Variants in BNC2 observed in about 807,000 individuals in gnomAD.
BNC2 encodes the protein basonuclin zinc finger protein 2.
A neutral mutation model predicts 76.3 loss-of-function variants in BNC2; 20 were observed. The observed-to-expected ratio is 0.26, with a 90% CI of 0.18 to 0.38. BNC2 has a LOEUF of 0.38. Among genes scored for constraint, BNC2 ranks in the 10% least tolerant of loss-of-function variants. The probability of loss-of-function intolerance (pLI) is 1.00; values close to 1 mark genes in which losing one functional copy is unlikely to be tolerated. For missense variants in BNC2, 1,382 were observed against 1,399.8 expected (o/e 0.99, Z 0.20); for synonymous variants, 582 against 514.8 (o/e 1.13, Z -1.77).
chr9:16,660,129 C>A (rs1307786176), intron 3 of BNC2, among the ~76,000 whole-genome samples: 3 of 152,198 alleles, frequency 2.0e-5, no homozygotes, highest in Non-Finnish European at 4.4e-5. Context: ...GCATCCCTTG[C>A]CCACAATGTC....
intron 4 of BNC2, chr9:16,575,411 A>G: frequency 4.1e-6 from 4 of 985,370 alleles, no homozygotes; most frequent in Non-Finnish European, 4.8e-6. Context: ...AAACATAGCT[A>G]GGAAAAAAAG....
intron 1 of BNC2, among the ~76,000 whole-genome samples, chr9:16,779,847 C>T (rs953182016): frequency 6.6e-6 from 1 of 151,948 alleles, no homozygotes; most frequent in African/African-American, 2.4e-5. Context: ...TGTGGGGGGG[C>T]CAGGAAGGTG....
At chr9:16,651,322 C>CTA (rs1049613544) in intron 3 of BNC2, among the ~76,000 whole-genome samples, 45 of 152,260 alleles carry the variant, frequency 3.0e-4, no homozygotes, top group African/African-American at 9.6e-4. Flanking sequence ...CTTAAAAAGC[C>CTA]TATCATCTTA....
At chr9:16,655,424 T>A (rs1821903406) in intron 3 of BNC2, among the ~76,000 whole-genome samples, 1 of 152,090 alleles carries the variant, frequency 6.6e-6, no homozygotes, top group Non-Finnish European at 1.5e-5. Flanking sequence ...GAGACTCAGG[T>A]AACTATCTTG....
intron 1 of BNC2, among the ~76,000 whole-genome samples, chr9:16,857,720 T>C (rs1195572095): frequency 1.3e-5 from 2 of 152,216 alleles, no homozygotes; most frequent in Non-Finnish European, 2.9e-5. Flanking sequence ...ATGAAACTTT[T>C]GTCTAAAATA....
At chr9:16,838,612 T>C (rs557817692) in intron 1 of BNC2, among the ~76,000 whole-genome samples, 1 of 152,328 alleles carries the variant, frequency 6.6e-6, no homozygotes, top group East Asian at 1.9e-4. Context: ...TCTGTGGATG[T>C]CACTGTAAAA....
At chr9:16,662,685 G>A (rs989447581) in intron 3 of BNC2, among the ~76,000 whole-genome samples, 3 of 152,126 alleles carry the variant, frequency 2.0e-5, no homozygotes, top group Non-Finnish European at 2.9e-5. Context: ...GCAGTGAGCT[G>A]AGATCAGGCC....
At chr9:16,818,474 A>G (rs1227862877) in intron 1 of BNC2, among the ~76,000 whole-genome samples, 1 of 152,208 alleles carries the variant, frequency 6.6e-6, no homozygotes, top group Admixed American at 6.5e-5. Context: ...GAGAATACCA[A>G]AATGGAAGTC....
intron 5 of BNC2, among the ~76,000 whole-genome samples, chr9:16,533,560 T>C (rs1387095697): frequency 3.3e-5 from 5 of 152,178 alleles, no homozygotes; most frequent in Non-Finnish European, 7.4e-5. Context: ...GCAGTATCTG[T>C]TAAGATGAAA....
intron 4 of BNC2, among the ~76,000 whole-genome samples, chr9:16,578,609 G>A (rs1490395086): frequency 6.6e-6 from 1 of 151,664 alleles, no homozygotes; most frequent in Non-Finnish European, 1.5e-5. Flanking sequence ...TTCTGTGAAT[G>A]GCCAAATTGC....
chr9:16,570,710 T>C (rs1204418788), intron 4 of BNC2, among the ~76,000 whole-genome samples: 2 of 152,038 alleles, frequency 1.3e-5, no homozygotes, highest in African/African-American at 4.8e-5. Context: ...ATTGAGCAGA[T>C]AGGGAAACCT....
intron 3 of BNC2, among the ~76,000 whole-genome samples, chr9:16,601,531 T>C (rs1415178330): frequency 6.6e-6 from 1 of 152,132 alleles, no homozygotes; most frequent in Non-Finnish European, 1.5e-5. Flanking sequence ...CCTCATGAGC[T>C]TTTCCAAGAT....
In BNC2 at chr9:16,419,299, C is replaced by T. The variant is rs751782260; in HGVS notation, c.2990G>A (p.Ser997Asn). ...CTTGTGTGCCGACTCCCCACTGTCA[C>T]TCGCCCCGTCAATGTCATCGAGAAG... ...GILLDDIDGASDSGESAHKAE... is the reference protein window; with the variant it reads ...GILLDDIDGANDSGESAHKAE... The change falls in exon 7 of 7, where the codon AGT becomes AAT. Residue 997 changes from serine (S) to asparagine (N), a missense_variant. This residue lies in a region of BNC2 where 798 missense variants were observed against 775.5 expected (regional missense o/e 1.03). Coordinates refer to ENST00000380672, the MANE Select transcript of BNC2 (RefSeq NM_017637.6). 1.9e-6 allele frequency: 3 copies of T among 1,614,026 alleles called. No homozygotes were observed. The highest frequency in any genetic ancestry group is 2.5e-6 in the Non-Finnish European group (3 of 1,179,910).
At chr9:16,551,787 C>T (rs913945306) in intron 5 of BNC2, among the ~76,000 whole-genome samples, 1 of 152,112 alleles carries the variant, frequency 6.6e-6, no homozygotes. Context: ...TAACACATGA[C>T]ACATTGCAAA....
rs114329818 is a variant in BNC2 at position 16,773,467 on chromosome 9, C to G, written c.4-34982G>C. Among the ~76,000 whole-genome samples, 723 of 148,838 alleles carry G rather than the reference C, an allele frequency of 4.9e-3. 7 individuals are homozygous for G. Among genetic ancestry groups the G allele is most frequent in the African/African-American group, 0.017 (696 of 40,124 alleles). On this transcript the variant is annotated intron_variant, in intron 1 of 6. Coordinates refer to ENST00000380672, the MANE Select transcript of BNC2 (RefSeq NM_017637.6). ...GTTTTCTCGTTCTGTTGAGATTTTTCTCCTAATTGCTGACAAGAAAAGAGG... is the reference window on the plus strand; with the variant it reads ...GTTTTCTCGTTCTGTTGAGATTTTTGTCCTAATTGCTGACAAGAAAAGAGG...
chr9:16,742,916 C>A (rs1218473219), intron 1 of BNC2, among the ~76,000 whole-genome samples: 1 of 152,160 alleles, frequency 6.6e-6, no homozygotes, highest in African/African-American at 2.4e-5. Context: ...AATGAGAAAA[C>A]TGTCTCACTA....
intron 1 of BNC2, among the ~76,000 whole-genome samples, chr9:16,759,939 G>A (rs914199313): frequency 9.2e-5 from 14 of 152,100 alleles, no homozygotes; most frequent in Non-Finnish European, 1.3e-4. Flanking sequence ...TAGCCAGGAC[G>A]GTCTGGATTT....
intron 1 of BNC2, among the ~76,000 whole-genome samples, chr9:16,759,760 G>C (rs1825497997): frequency 6.9e-6 from 1 of 144,894 alleles, no homozygotes; most frequent in Non-Finnish European, 1.5e-5. Flanking sequence ...GTCTCGCTCT[G>C]TCGCCCTGAC....
intron 1 of BNC2, among the ~76,000 whole-genome samples, chr9:16,746,595 C>T (rs1825013787): frequency 6.6e-6 from 1 of 151,436 alleles, no homozygotes; most frequent in Non-Finnish European, 1.5e-5. Flanking sequence ...GAACTCTTGG[C>T]CTCAAATGAT....
Sources: gnomAD v4.1 joint callset for allele counts (sites outside exome capture counted in the v4.1 genomes callset) on GRCh38, gnomAD v4.1.1 for gene constraint, gnomAD v4.1.1 regional missense constraint, MANE v1.5 for transcripts, NCBI Gene and HGNC (gene_info 2026-07-23, HGNC 2026-07-21) for gene names.